Variants in SPMIP3 observed in about 807,000 individuals in gnomAD.
SPMIP3 encodes sperm microtubule inner protein 3, also known as protein SPMIP3.
At chr1:244,386,204 A>C in the SPMIP3 span, among the ~76,000 whole-genome samples, 1 of 152,152 alleles carries the variant, frequency 6.6e-6, no homozygotes, top group Non-Finnish European at 1.5e-5. Flanking sequence ...TTGATTGTTA[A>C]AGAGTGATAT....
the SPMIP3 span, among the ~76,000 whole-genome samples, chr1:244,356,662 C>A: frequency 2.6e-5 from 4 of 152,130 alleles, no homozygotes; most frequent in Non-Finnish European, 4.4e-5. Flanking sequence ...AGCCATGAAC[C>A]TGCACAAGCC....
chr1:244,377,051 G>A, the SPMIP3 span, among the ~76,000 whole-genome samples: 19 of 152,008 alleles, frequency 1.2e-4, no homozygotes, highest in South Asian at 3.1e-3. Context: ...CAGGTGATCC[G>A]CCAACCTCGG....
At chr1:244,356,783 T>A in the SPMIP3 span, among the ~76,000 whole-genome samples, 1 of 152,212 alleles carries the variant, frequency 6.6e-6, no homozygotes, top group African/African-American at 2.4e-5. Context: ...TTGGGTTTCA[T>A]AAATTATAAC....
chr1:244,361,120 C>G, the SPMIP3 span, among the ~76,000 whole-genome samples: 4 of 151,240 alleles, frequency 2.6e-5, no homozygotes, highest in African/African-American at 9.7e-5. Flanking sequence ...AGGGAATAAA[C>G]GGTGGATGGT....
At chr1:244,367,395 C>T in the SPMIP3 span, among the ~76,000 whole-genome samples, 4 of 152,246 alleles carry the variant, frequency 2.6e-5, no homozygotes, top group Middle Eastern at 3.4e-3. Context: ...CAATGGTGAG[C>T]TGGACCAAGG....
chr1:244,369,939 A>G, the SPMIP3 span, among the ~76,000 whole-genome samples: 1 of 152,182 alleles, frequency 6.6e-6, no homozygotes, highest in African/African-American at 2.4e-5. Flanking sequence ...CATGTTGAAC[A>G]TGCTGGCCCT....
At chr1:244,387,073 T>C in the SPMIP3 span, among the ~76,000 whole-genome samples, 11 of 152,266 alleles carry the variant, frequency 7.2e-5, no homozygotes, top group South Asian at 2.1e-3. Flanking sequence ...GAGGCCAAGG[T>C]GGGCGGATCA....
chr1:244,385,562 C>T, the SPMIP3 span, among the ~76,000 whole-genome samples: 1 of 152,144 alleles, frequency 6.6e-6, no homozygotes, highest in East Asian at 1.9e-4. Flanking sequence ...AAATATATGC[C>T]TTTACCAACA....
chr1:244,374,145 G>A, the SPMIP3 span, among the ~76,000 whole-genome samples: 1 of 152,066 alleles, frequency 6.6e-6, no homozygotes, highest in Non-Finnish European at 1.5e-5. Flanking sequence ...AAAATAAAAT[G>A]AGATGTATTT....
At chr1:244,354,129 T>G in the SPMIP3 span, among the ~76,000 whole-genome samples, 1 of 152,214 alleles carries the variant, frequency 6.6e-6, no homozygotes, top group Non-Finnish European at 1.5e-5. Context: ...ATTTTCTGAC[T>G]ATTCTACAAG....
At chr1:244,369,576 A>G in the SPMIP3 span, among the ~76,000 whole-genome samples, 127,735 of 152,026 alleles carry the variant, frequency 0.84, 53,798 homozygotes, top group South Asian at 0.93. Context: ...TCTCTCTCTT[A>G]CAGAGAGAGG....
At chr1:244,373,686 T>C in the SPMIP3 span, among the ~76,000 whole-genome samples, 9 of 151,898 alleles carry the variant, frequency 5.9e-5, no homozygotes, top group South Asian at 1.9e-3. Flanking sequence ...AATATTAGGT[T>C]GGTGCAAAAG....
the SPMIP3 span, among the ~76,000 whole-genome samples, chr1:244,370,219 A>C: frequency 1.3e-5 from 2 of 152,214 alleles, no homozygotes; most frequent in Non-Finnish European, 2.9e-5. Flanking sequence ...TCATGCAATC[A>C]TTAAAGGAGA....
the SPMIP3 span, among the ~76,000 whole-genome samples, chr1:244,368,493 G>T: frequency 1.3e-4 from 20 of 152,228 alleles, no homozygotes; most frequent in Middle Eastern, 3.2e-3. Context: ...GTCTGTGCTT[G>T]TGGTCACTGC....
the SPMIP3 span, among the ~76,000 whole-genome samples, chr1:244,356,173 G>T: frequency 1.3e-5 from 2 of 152,108 alleles, no homozygotes; most frequent in Non-Finnish European, 2.9e-5. Context: ...TGTTTAATAT[G>T]AGTAGTGAGA....
At chr1:244,362,040 C>T in the SPMIP3 span, among the ~76,000 whole-genome samples, 1 of 152,162 alleles carries the variant, frequency 6.6e-6, no homozygotes, top group Non-Finnish European at 1.5e-5. Flanking sequence ...TAAATAATCA[C>T]AGCAGTAAAA....
At chr1:244,367,164 G>A in the SPMIP3 span, among the ~76,000 whole-genome samples, 1 of 152,140 alleles carries the variant, frequency 6.6e-6, no homozygotes, top group African/African-American at 2.4e-5. Context: ...TGACACAGGG[G>A]CTGGAGCTGG....
the SPMIP3 span, among the ~76,000 whole-genome samples, chr1:244,371,757 C>T: frequency 3.3e-5 from 5 of 152,206 alleles, no homozygotes; most frequent in African/African-American, 1.2e-4. Flanking sequence ...TAATGTGGCC[C>T]TGGGGTAATA....
At chr1:244,376,798 C>A in the SPMIP3 span, among the ~76,000 whole-genome samples, 1 of 151,876 alleles carries the variant, frequency 6.6e-6, no homozygotes, top group Non-Finnish European at 1.5e-5. Flanking sequence ...AAGTTATAAT[C>A]CTATACTACA....
Sources: allele counts gnomAD v4.1 joint callset (sites outside exome capture counted in the v4.1 genomes callset), GRCh38; gene constraint gnomAD v4.1.1; transcripts MANE v1.5; gene names NCBI Gene and HGNC (gene_info 2026-07-23, HGNC 2026-07-21).